The following FGF14 variants were observed in gnomAD, a reference collection of about 807,000 sequenced individuals.
The protein encoded by FGF14 is fibroblast growth factor homologous factor 4.
In FGF14, 5 loss-of-function variants were observed where a neutral mutation model predicts 25.5. The observed-to-expected ratio is 0.20, with a 90% CI of 0.10 to 0.41. The LOEUF is 0.41. Among genes scored for constraint, FGF14 ranks in the 10% least tolerant of loss-of-function variants. The pLI is 1.00. For synonymous variants in FGF14, 138 were observed against 118.3 expected (o/e 1.17, Z -1.08); for missense variants, 222 against 320.1 (o/e 0.69, Z 2.34).
chr13:102,339,844 G>A (rs1332705685), intron 1 of FGF14, among the ~76,000 whole-genome samples: 1 of 152,102 alleles, frequency 6.6e-6, no homozygotes, highest in African/African-American at 2.4e-5. Context: ...ATGATAGCAT[G>A]GGCTACGTAA....
Position 101,718,211 on chromosome 13 carries a change from A to G in FGF14, c.*4620T>C, listed in dbSNP as rs2034796470. 1 of 152,072 alleles carries G rather than the reference A, an allele frequency of 6.6e-6. No homozygotes were observed. Among genetic ancestry groups the G allele is most frequent in the Non-Finnish European group, 1.5e-5 (1 of 67,996 alleles). The allele number at this position is 152,072 out of a possible 1,614,324, so 9.4% of individuals were successfully genotyped here. On this transcript the variant is annotated 3_prime_UTR_variant, in exon 5 of 5. Coordinates refer to ENST00000376143, the MANE Select transcript of FGF14 (RefSeq NM_004115.4). ...GAAATATTTTTACTTATTTCTGTCC[A>G]CTATGTTTGTGTGTATGTGTGTGTT...
chr13:102,393,583 C>T (rs532136701), intron 1 of FGF14, among the ~76,000 whole-genome samples: 2 of 152,294 alleles, frequency 1.3e-5, no homozygotes, highest in South Asian at 2.1e-4. Context: ...GATACCCTCC[C>T]CTACCCCGAA....
chr13:102,161,655 G>C (rs1566765299), intron 1 of FGF14, among the ~76,000 whole-genome samples: 17 of 19,320 alleles, frequency 8.8e-4, no homozygotes, highest in African/African-American at 2.4e-3. Flanking sequence ...AGAAGAAGAA[G>C]AAGAAGAAGA....
chr13:102,301,826 T>TCACACACA (rs3066038), intron 1 of FGF14, among the ~76,000 whole-genome samples: 11,071 of 139,874 alleles, frequency 0.079, 580 homozygotes, highest in East Asian at 0.15. Flanking sequence ...TTCCTGTACT[T>TCACACACA]CACACACACA....
intron 1 of FGF14, among the ~76,000 whole-genome samples, chr13:102,235,878 G>A (rs1460198967): frequency 6.6e-6 from 1 of 152,152 alleles, no homozygotes; most frequent in Admixed American, 6.5e-5. Context: ...GAACAGATTC[G>A]TAATATTTAC....
chr13:102,006,724 CTTCT>C (rs2039810822), intron 1 of FGF14, among the ~76,000 whole-genome samples: 1 of 97,942 alleles, frequency 1.0e-5, no homozygotes, highest in Non-Finnish European at 2.0e-5. Flanking sequence ...CAAAATCTTA[CTTCT>C]TTTTTTTTTT....
chr13:101,834,040 T>A (rs747808318), intron 3 of FGF14, among the ~76,000 whole-genome samples: 1 of 152,040 alleles, frequency 6.6e-6, no homozygotes, highest in Non-Finnish European at 1.5e-5. Flanking sequence ...ACGAATAATA[T>A]CATATTCCTC....
At chr13:102,090,527 G>A (rs773618098) in intron 1 of FGF14, among the ~76,000 whole-genome samples, 5 of 152,126 alleles carry the variant, frequency 3.3e-5, no homozygotes, top group African/African-American at 2.4e-5. Context: ...GTAGAAGCTC[G>A]ACCACTGGTA....
intron 1 of FGF14, among the ~76,000 whole-genome samples, chr13:101,951,218 G>T (rs962141925): frequency 2.6e-5 from 4 of 152,094 alleles, no homozygotes; most frequent in African/African-American, 9.7e-5. Flanking sequence ...ATTGCCTAAG[G>T]TTTGTAATCA....
intron 1 of FGF14, among the ~76,000 whole-genome samples, chr13:102,037,229 T>C (rs1295769281): frequency 6.6e-6 from 1 of 152,148 alleles, no homozygotes; most frequent in Non-Finnish European, 1.5e-5. Context: ...ATAAACTTAG[T>C]GGTTTTAATC....
At chr13:102,383,437 T>C (rs866240708) in intron 1 of FGF14, among the ~76,000 whole-genome samples, 1 of 152,194 alleles carries the variant, frequency 6.6e-6, no homozygotes, top group South Asian at 2.1e-4. Flanking sequence ...ACCTACTTTG[T>C]AGAAGTAATA....
intron 1 of FGF14, among the ~76,000 whole-genome samples, chr13:101,944,894 G>A (rs78196431): frequency 0.02 from 3,023 of 152,274 alleles, 117 homozygotes; most frequent in African/African-American, 0.069. Flanking sequence ...TGGGGAGGGA[G>A]TGGAGAGTAA....
intron 1 of FGF14, among the ~76,000 whole-genome samples, chr13:101,931,254 T>A (rs1322977216): frequency 6.6e-6 from 1 of 152,128 alleles, no homozygotes; most frequent in Non-Finnish European, 1.5e-5. Context: ...GCCCTTCCCA[T>A]CCTCTTCATT....
chr13:101,724,808 GTT>G (rs2035292215), intron 4 of FGF14, among the ~76,000 whole-genome samples: 1 of 150,878 alleles, frequency 6.6e-6, no homozygotes, highest in Non-Finnish European at 1.5e-5. Flanking sequence ...CCCCTTAACT[GTT>G]TTTAGAGTAC....
intron 1 of FGF14, among the ~76,000 whole-genome samples, chr13:102,375,059 G>A (rs2058006185): frequency 6.6e-6 from 1 of 151,986 alleles, no homozygotes; most frequent in Non-Finnish European, 1.5e-5. Flanking sequence ...GCAGAGTAAT[G>A]TAACACAACT....
chr13:102,172,116 C>A (rs2048275971), intron 1 of FGF14, among the ~76,000 whole-genome samples: 1 of 151,812 alleles, frequency 6.6e-6, no homozygotes, highest in Non-Finnish European at 1.5e-5. Flanking sequence ...AGATATGACC[C>A]CCTACACCTG....
intron 1 of FGF14, among the ~76,000 whole-genome samples, chr13:102,194,440 C>CT (rs572247404): frequency 6.6e-6 from 1 of 151,402 alleles, no homozygotes; most frequent in Non-Finnish European, 1.5e-5. Context: ...CCACTGCCCC[C>CT]CTGACAGGCC....
chr13:102,378,945 C>T (rs1472014197), intron 1 of FGF14, among the ~76,000 whole-genome samples: 2 of 152,010 alleles, frequency 1.3e-5, no homozygotes, highest in Admixed American at 6.6e-5. Flanking sequence ...GGATTGGGCA[C>T]ACTTTGACCA....
intron 3 of FGF14, among the ~76,000 whole-genome samples, chr13:101,843,627 T>C (rs1405904377): frequency 3.3e-5 from 5 of 151,958 alleles, no homozygotes; most frequent in African/African-American, 9.7e-5. Flanking sequence ...AACAAATCCT[T>C]ATGATATCAT....
Sources: gnomAD v4.1 joint callset for allele counts (sites outside exome capture counted in the v4.1 genomes callset) on GRCh38, gnomAD v4.1.1 for gene constraint, MANE v1.5 for transcripts, NCBI Gene and HGNC (gene_info 2026-07-23, HGNC 2026-07-21) for gene names.